ENG: variants seen among roughly 807,000 people sequenced by gnomAD.
The protein encoded by ENG is CD105 antigen.
ENG carries 17 observed loss-of-function variants against 71.0 expected under a neutral mutation model. The ratio of observed to expected loss-of-function variants is 0.24; its 90% CI spans 0.16 to 0.36. The LOEUF (loss-of-function observed/expected upper bound fraction) is 0.36, where lower values mean the gene tolerates loss of function less well. Ranked by LOEUF, ENG falls within the 10% of genes least tolerant of loss-of-function variation. ENG has a pLI of 1.00. For missense variants in ENG, 749 were observed against 868.3 expected (o/e 0.86, Z 1.73); for synonymous variants, 360 against 366.9 (o/e 0.98, Z 0.21).
chr9:127,825,963 G>T, intron 4 of ENG, 103 bp from the exon 5 acceptor site: 3 of 1,460,896 alleles, frequency 2.1e-6, no homozygotes, highest in Non-Finnish European at 2.8e-6. Flanking sequence ...CAGGCAGGAC[G>T]GTGCTGCAGA....
chr9:127,829,873 A>G (rs1418236130), intron 2 of ENG, 46 bp from the exon 3 acceptor site: 23 of 1,611,992 alleles, frequency 1.4e-5, no homozygotes, highest in Non-Finnish European at 1.9e-5. Context: ...TCAGATTTGT[A>G]TAGGTTGTGC....
chr9:127,854,414 G>A lies in ENG; in HGVS notation c.-59C>T, dbSNP rs1003149967. On this transcript the variant is annotated 5_prime_UTR_variant, in exon 1 of 15. Coordinates refer to ENST00000373203, the MANE Select transcript of ENG (RefSeq NM_001114753.3). ...ATCCTGTGTCCAGTGGCAGGGCTGC[G>A]GGCGGGCACCGGGGCCGGCGTGGGC... 18 of 1,524,942 alleles carry A rather than the reference G, an allele frequency of 1.2e-5. 1 individual carries two copies. Among genetic ancestry groups the A allele is most frequent in the South Asian group, 6.0e-5 (5 of 82,710 alleles). The allele number at this position is 1,524,942 out of a possible 1,614,324, so 94.5% of individuals were successfully genotyped here.
intron 12 of ENG, 190 bp downstream of exon 12, chr9:127,817,930 C>T: frequency 2.6e-6 from 2 of 768,572 alleles, no homozygotes; most frequent in Non-Finnish European, 4.1e-6. Flanking sequence ...CCAGACACAG[C>T]AGTCCCACCA....
intron 1 of ENG, among the ~76,000 whole-genome samples, 175 bp from the exon 2 acceptor site, chr9:127,843,420 GC>G (rs1831089923): frequency 6.6e-6 from 1 of 151,860 alleles, no homozygotes; most frequent in African/African-American, 2.4e-5. Flanking sequence ...AAAAACCAAG[GC>G]TAGGAGAGGA....
At position 127,815,712 on chromosome 9, in the gene ENG, G is replaced by T; in HGVS notation, c.1947C>A (p.Ser649Arg). 6.4e-7 allele frequency: 1 copy of T among 1,562,010 alleles called. No individual in the cohort carries two copies. Among genetic ancestry groups the T allele is most frequent in the East Asian group, 2.3e-5 (1 of 42,584 alleles). ...CCATGCTGCTGGTGGAGCAGGGGGTGCTCTGGGTGCTCCCGATGCTGTGGT... is the reference window on the plus strand; with the variant it reads ...CCATGCTGCTGGTGGAGCAGGGGGTTCTCTGGGTGCTCCCGATGCTGTGGT... ...STNHSIGSTQ[S>R]TPCSTSSMA Residue 649 changes from serine (S) to arginine (R), a missense_variant, in exon 15 of 15, where the codon AGC becomes AGA. Transcript: ENST00000373203.
intron 2 of ENG, among the ~76,000 whole-genome samples, chr9:127,839,509 GC>G (rs1830977255): frequency 6.6e-6 from 1 of 152,128 alleles, no homozygotes; most frequent in South Asian, 2.1e-4. Flanking sequence ...ACCTCAGCTT[GC>G]CCTGCTGAAA....
intron 13 of ENG, chr9:127,816,719 GTGGGCC>G (rs965376895): frequency 1.7e-5 from 5 of 287,258 alleles, no homozygotes; most frequent in Non-Finnish European, 2.7e-5. Flanking sequence ...TCTGCCTGGT[GTGGGCC>G]TGGGCCTGGG....
rs1455063025 is a variant in ENG at position 127,819,933 on chromosome 9, G to T, written c.1239C>A (p.Gly413=). The T allele has an allele frequency of 1.9e-6, 3 of 1,614,242 alleles. No homozygotes were observed. The South Asian group carries it at 3.3e-5, about 18-fold the overall frequency. ...FVLRSAYSSC[G]MQVSASMISN... is the part of the protein sequence containing the mutation. ...TGATCATACTTGCTGACACCTGCAT[G>T]CCACAGCTGGAGTAAGCACTGCGCA... The change falls in exon 9 of 15, where the codon GGC becomes GGA. Residue 413 remains glycine (G), a synonymous_variant. Coordinates refer to ENST00000373203, the MANE Select transcript of ENG (RefSeq NM_001114753.3).
At chr9:127,820,267 C>G (rs970936782) in intron 8 of ENG, among the ~76,000 whole-genome samples, 1 of 152,126 alleles carries the variant, frequency 6.6e-6, no homozygotes, top group Non-Finnish European at 1.5e-5. Flanking sequence ...GATCTTGGCT[C>G]ACTACAACCT....
chr9:127,816,868 CTG>C, intron 13 of ENG: 5 of 539,510 alleles, frequency 9.3e-6, no homozygotes, highest in South Asian at 2.0e-5. Flanking sequence ...CAGCCAATAA[CTG>C]TGGGGATGGA....
At chr9:127,830,521 C>T (rs932499148) in intron 2 of ENG, among the ~76,000 whole-genome samples, 1 of 151,658 alleles carries the variant, frequency 6.6e-6, no homozygotes, top group Non-Finnish European at 1.5e-5. Flanking sequence ...GTGGTGGATG[C>T]CTGTAATTCC....
chr9:127,825,353 G>C lies in ENG; in HGVS notation c.694C>G (p.Arg232Gly), dbSNP rs200372420. The stretch of plus-strand genomic sequence containing the variant: ...AGTTCCACCTTCACCGTCACCGTCC[G>C]GGGCCTGCGGGGAGACAGACGCGGA... ...RVLPGHSAGP[R>G]TVTVKVELSC... Residue 232 changes from arginine (R) to glycine (G), a missense_variant, in exon 6 of 15, where the codon CGG becomes GGG. Physicochemically the swap from Arg to Gly is moderately radical, Grantham distance 125. Coordinates refer to ENST00000373203, the MANE Select transcript of ENG (RefSeq NM_001114753.3). The C allele has an allele frequency of 7.5e-6, 12 of 1,609,996 alleles. No homozygotes were observed. The highest frequency in any genetic ancestry group is 2.2e-5 in the East Asian group (1 of 44,786).
chr9:127,818,358 A>C lies in ENG; in HGVS notation c.1448T>G (p.Val483Gly). ...SFVQVRVSPSVSEFLLQLDSC... is the reference protein window; with the variant it reads ...SFVQVRVSPSGSEFLLQLDSC... Reference sequence around the variant, plus strand: ...GTCTAACTGGAGCAGGAACTCGGAGACGGATGGGGACACTCTGACCTGCAT... The same window carrying C: ...GTCTAACTGGAGCAGGAACTCGGAGCCGGATGGGGACACTCTGACCTGCAT... The change falls in exon 12 of 15, where the codon GTC (valine) becomes GGC (glycine). Residue 483 changes from valine to glycine, a missense_variant. Val to Gly is a moderately radical substitution (Grantham distance 109). Transcript: ENST00000373203. The C allele has an allele frequency of 6.2e-7, 1 of 1,613,718 alleles. No homozygotes were observed. The highest frequency in any genetic ancestry group is 8.5e-7 in the Non-Finnish European group (1 of 1,180,008).
At position 127,838,563 on chromosome 9, in the gene ENG, A is replaced by G. The variant is rs1386474426; in HGVS notation, c.219+4531T>C. Among the ~76,000 whole-genome samples the G allele has an allele frequency of 1.3e-5, 2 of 151,994 alleles. No individual in the cohort carries two copies. The highest frequency in any genetic ancestry group is 6.5e-5 in the Admixed American group (1 of 15,272). ...GGGGCCTGACAGGCTGTGTCTGTTC[A>G]GGGGTGGGTGGGGTCTCAGCTGCCC... On this transcript the variant is annotated intron_variant, in intron 2 of 14. Coordinates refer to ENST00000373203, the MANE Select transcript of ENG (RefSeq NM_001114753.3). The surrounding 1 kb of genome is among the most constrained non-coding windows in gnomAD (Gnocchi z 4.3).
chr9:127,842,220 CTTTTCTTT>C (rs1194657705), intron 2 of ENG, among the ~76,000 whole-genome samples: 2 of 87,870 alleles, frequency 2.3e-5, no homozygotes, highest in Non-Finnish European at 4.1e-5. Context: ...TTCTCTTTTT[CTTTTCTTT>C]TTTTTTTTTT....
intron 1 of ENG, among the ~76,000 whole-genome samples, chr9:127,852,782 T>TA (rs1337201888): frequency 6.6e-6 from 1 of 152,082 alleles, no homozygotes; most frequent in Admixed American, 6.6e-5. Flanking sequence ...TGGGAGTACT[T>TA]ACGCTGTGAA....
chr9:127,850,089 G>A (rs2131930343), intron 1 of ENG, among the ~76,000 whole-genome samples: 1 of 152,288 alleles, frequency 6.6e-6, no homozygotes, highest in Admixed American at 6.5e-5. Flanking sequence ...AGCCTCCAAG[G>A]CTGGTGCCCC....
rs1345069892 is a variant in ENG, at chr9:127,818,844, CG to C, written c.1312-13del. The stretch of plus-strand genomic sequence containing the variant: ...CAGTGCACCTTTTTCTGGGGGAGGA[CG>C]GGAGGGAGACTTGGTCAATCTGGCG... On this transcript the variant is annotated splice_polypyrimidine_tract_variant and intron_variant, in intron 10 of 14. Transcript: ENST00000373203. The C allele has an allele frequency of 6.2e-7, 1 of 1,611,920 alleles. No homozygotes were observed. Among genetic ancestry groups the C allele is most frequent in the Non-Finnish European group, 8.5e-7 (1 of 1,178,880 alleles).
In ENG at chr9:127,816,031, G is replaced by A; in HGVS notation, c.1764C>T (p.Val588=). 1.2e-6 allele frequency: 2 copies of A among 1,610,614 alleles called. No homozygotes were observed. Among genetic ancestry groups the A allele is most frequent in the Non-Finnish European group, 1.7e-6 (2 of 1,179,170 alleles). ...AGGTGATGCCCAGCACGGCGGGCAGGACGAGGCCTTTGCTTGTGCAACCTA... is the reference window on the plus strand; with the variant it reads ...AGGTGATGCCCAGCACGGCGGGCAGAACGAGGCCTTTGCTTGTGCAACCTA... The part of the protein sequence containing the change: ...DLSGCTSKGL[V]LPAVLGITFG... The change falls in exon 14 of 15, where the codon GTC becomes GTT. Residue 588 remains valine (V), a synonymous_variant. Coordinates refer to ENST00000373203, the MANE Select transcript of ENG (RefSeq NM_001114753.3).
Sources: gnomAD v4.1 joint callset for allele counts (sites outside exome capture counted in the v4.1 genomes callset) on GRCh38, gnomAD v4.1.1 for gene constraint, Gnocchi (gnomAD v3.1) non-coding constraint, MANE v1.5 for transcripts, NCBI Gene and HGNC (gene_info 2026-07-23, HGNC 2026-07-21) for gene names.